PABPC4L: variants seen among roughly 807,000 people sequenced by gnomAD.
The protein encoded by PABPC4L is poly(A) binding protein cytoplasmic 4 like.
For synonymous variants in PABPC4L, 169 were observed against 164.1 expected (o/e 1.03, Z -0.23); for missense variants, 452 against 451.4 (o/e 1.00, Z -0.01).
chr4:134,120,603 A>G, the PABPC4L span, among the ~76,000 whole-genome samples: 1 of 151,174 alleles, frequency 6.6e-6, no homozygotes, highest in Non-Finnish European at 1.5e-5. Context: ...TTTTTGAAGA[A>G]TGATTTTACC....
the PABPC4L span, among the ~76,000 whole-genome samples, chr4:134,044,645 G>A: frequency 6.6e-6 from 1 of 152,074 alleles, no homozygotes; most frequent in Non-Finnish European, 1.5e-5. Flanking sequence ...ACTTGTCATA[G>A]GCTAGATATG....
chr4:134,142,405 G>C, the PABPC4L span, among the ~76,000 whole-genome samples: 3 of 151,652 alleles, frequency 2.0e-5, no homozygotes, highest in South Asian at 6.2e-4. Flanking sequence ...AAATCCGTGG[G>C]AACTCTGTGA....
the PABPC4L span, among the ~76,000 whole-genome samples, chr4:134,143,505 T>A: frequency 6.6e-6 from 1 of 150,508 alleles, no homozygotes; most frequent in African/African-American, 2.4e-5. Context: ...TAAATACTCA[T>A]TTGGAATTTT....
the PABPC4L span, among the ~76,000 whole-genome samples, chr4:134,168,415 A>G: frequency 6.6e-6 from 1 of 151,886 alleles, no homozygotes; most frequent in Non-Finnish European, 1.5e-5. Flanking sequence ...AAATAGTAAC[A>G]ATGAGAACAG....
the PABPC4L span, among the ~76,000 whole-genome samples, chr4:133,998,313 T>A: frequency 3.3e-5 from 5 of 152,060 alleles, no homozygotes; most frequent in Admixed American, 3.3e-4. Context: ...AAGTTCACAT[T>A]TTCCCATGGA....
At chr4:134,032,913 T>A in the PABPC4L span, among the ~76,000 whole-genome samples, 1 of 151,768 alleles carries the variant, frequency 6.6e-6, no homozygotes, top group Non-Finnish European at 1.5e-5. Flanking sequence ...AATAAACAAA[T>A]GAACAAATAC....
the PABPC4L span, among the ~76,000 whole-genome samples, chr4:134,156,410 T>C: frequency 6.6e-6 from 1 of 151,906 alleles, no homozygotes; most frequent in Non-Finnish European, 1.5e-5. Flanking sequence ...ACAACATTAA[T>C]GTGGAAAAAC....
At chr4:134,029,073 T>C in the PABPC4L span, among the ~76,000 whole-genome samples, 1 of 152,168 alleles carries the variant, frequency 6.6e-6, no homozygotes, top group African/African-American at 2.4e-5. Flanking sequence ...TTGTATAACA[T>C]ATTTTTATAA....
the PABPC4L span, among the ~76,000 whole-genome samples, chr4:134,173,206 G>T: frequency 4.9e-5 from 7 of 143,064 alleles, no homozygotes; most frequent in Admixed American, 3.5e-4. Context: ...ACTACCATAC[G>T]ATCCAGCAAA....
the PABPC4L span, among the ~76,000 whole-genome samples, chr4:134,119,983 C>T: frequency 2.0e-5 from 3 of 151,560 alleles, no homozygotes; most frequent in African/African-American, 7.3e-5. Context: ...ACATTTAATT[C>T]ATTCTAACAT....
the PABPC4L span, among the ~76,000 whole-genome samples, chr4:134,031,097 A>G: frequency 6.6e-6 from 1 of 152,026 alleles, no homozygotes; most frequent in Non-Finnish European, 1.5e-5. Context: ...TGAAAACTGG[A>G]TATTCCAGAT....
the PABPC4L span, among the ~76,000 whole-genome samples, chr4:134,055,811 A>G: frequency 6.6e-6 from 1 of 151,936 alleles, no homozygotes; most frequent in African/African-American, 2.4e-5. Context: ...CAGAAAAAGA[A>G]AATGTTTAAT....
At chr4:134,010,313 A>G in the PABPC4L span, among the ~76,000 whole-genome samples, 1 of 152,130 alleles carries the variant, frequency 6.6e-6, no homozygotes, top group South Asian at 2.1e-4. Context: ...AACAAAGCTC[A>G]TGTAAAATAA....
the PABPC4L span, among the ~76,000 whole-genome samples, chr4:133,953,402 C>T: frequency 6.6e-6 from 1 of 152,138 alleles, no homozygotes; most frequent in Non-Finnish European, 1.5e-5. Flanking sequence ...AGTAATTCCT[C>T]AATTGGTTTC....
the PABPC4L span, among the ~76,000 whole-genome samples, chr4:134,173,455 G>C: frequency 6.6e-5 from 10 of 151,932 alleles, no homozygotes; most frequent in Non-Finnish European, 1.3e-4. Flanking sequence ...AGTAAGACAG[G>C]CACAAAGAGA....
At chr4:133,989,982 C>T in the PABPC4L span, among the ~76,000 whole-genome samples, 3 of 152,012 alleles carry the variant, frequency 2.0e-5, no homozygotes, top group African/African-American at 7.2e-5. Flanking sequence ...CATAAGATCT[C>T]ATAACTCACT....
At chr4:134,117,075 T>C in the PABPC4L span, among the ~76,000 whole-genome samples, 1 of 151,712 alleles carries the variant, frequency 6.6e-6, no homozygotes, top group South Asian at 2.1e-4. Flanking sequence ...CTATATTCTT[T>C]TCGTTCAGCA....
At position 134,200,426 on chromosome 4, in the gene PABPC4L, T is replaced by G; in HGVS notation, c.594A>C (p.Gly198=). The change falls in exon 2 of 2, where the codon GGA becomes GGC. Residue 198 remains glycine (G), a synonymous_variant. Transcript: ENST00000421491. ...EFTNVYIKNF[G]GDMDDERLKD... is the part of the protein sequence containing the mutation. The stretch of plus-strand genomic sequence containing the variant: ...TCAATCTCTCATCATCCATGTCACC[T>G]CCAAAGTTTTTTATGTAAACATTGG... 6.4e-7 allele frequency: 1 copy of G among 1,553,330 alleles called. No individual in the cohort carries two copies. The highest frequency in any genetic ancestry group is 8.7e-7 in the Non-Finnish European group (1 of 1,147,786).
the PABPC4L span, among the ~76,000 whole-genome samples, chr4:134,063,529 A>C: frequency 2.0e-5 from 3 of 152,060 alleles, no homozygotes; most frequent in African/African-American, 7.2e-5. Flanking sequence ...TTAAAGTAAC[A>C]AGATTTGAAA....
Sources: allele counts gnomAD v4.1 joint callset (sites outside exome capture counted in the v4.1 genomes callset), GRCh38; gene constraint gnomAD v4.1.1; transcripts MANE v1.5; gene names NCBI Gene and HGNC (gene_info 2026-07-23, HGNC 2026-07-21).